The following CSMD3 variants were observed in gnomAD, a reference collection of about 807,000 sequenced individuals.
The protein encoded by CSMD3 is CUB and sushi domain-containing protein 3.
In CSMD3, 177 loss-of-function variants were observed where a neutral mutation model predicts 435.2. The ratio of observed to expected loss-of-function variants is 0.41; its 90% confidence interval spans 0.36 to 0.46. CSMD3 has a LOEUF of 0.46. CSMD3 is among the 20% of genes least tolerant of loss of function. The pLI, the probability that CSMD3 is intolerant of heterozygous loss-of-function variation, is 0.34. For missense variants in CSMD3, 4,265 were observed against 4,504.6 expected, an observed-to-expected ratio of 0.95 and a Z score of 1.52; for synonymous variants, 1,656 against 1,520.5, an observed-to-expected ratio of 1.09 and a Z score of -2.07.
At chr8:113,434,265 A>G (rs2094692079) in intron 1 of CSMD3, among the ~76,000 whole-genome samples, 1 of 152,156 alleles carries the variant, frequency 6.6e-6, no homozygotes, top group Non-Finnish European at 1.5e-5. Context: ...CTAGATTAGA[A>G]CCTGCAAAAT....
At chr8:112,324,005 C>T (rs1276757767) in intron 45 of CSMD3, among the ~76,000 whole-genome samples, 4 of 152,052 alleles carry the variant, frequency 2.6e-5, no homozygotes, top group African/African-American at 9.7e-5. Context: ...CACATTGTCT[C>T]CCCGATTTAT....
At chr8:112,604,168 A>C (rs1249893843) in intron 22 of CSMD3, among the ~76,000 whole-genome samples, 1 of 152,172 alleles carries the variant, frequency 6.6e-6, no homozygotes, top group African/African-American at 2.4e-5. Context: ...GGAGATTTTT[A>C]CTGCATTACT....
intron 1 of CSMD3, among the ~76,000 whole-genome samples, chr8:113,384,363 G>A (rs2133119100): frequency 6.6e-6 from 1 of 152,242 alleles, no homozygotes; most frequent in African/African-American, 2.4e-5. Flanking sequence ...GAAGATTTCT[G>A]ATGGAAATCT....
chr8:112,721,546 A>T (rs1026977642), intron 13 of CSMD3, among the ~76,000 whole-genome samples: 3 of 152,188 alleles, frequency 2.0e-5, no homozygotes, highest in Non-Finnish European at 2.9e-5. Context: ...GCTGCACTCC[A>T]GCCTGGGTGA....
At chr8:112,701,786 G>C (rs1563871597) in intron 13 of CSMD3, among the ~76,000 whole-genome samples, 1 of 152,144 alleles carries the variant, frequency 6.6e-6, no homozygotes, top group Non-Finnish European at 1.5e-5. Flanking sequence ...CTAAGTGTTA[G>C]ACATGTTGAA....
At chr8:112,848,664 T>C (rs894473865) in intron 11 of CSMD3, among the ~76,000 whole-genome samples, 1 of 152,108 alleles carries the variant, frequency 6.6e-6, no homozygotes, top group Admixed American at 6.6e-5. Flanking sequence ...TTAACTTGTG[T>C]GATACTTCAA....
At chr8:112,670,382 C>T (rs916924643) in intron 16 of CSMD3, among the ~76,000 whole-genome samples, 1 of 152,022 alleles carries the variant, frequency 6.6e-6, no homozygotes, top group Non-Finnish European at 1.5e-5. Context: ...AAATTGTTGA[C>T]AAAGGATATG....
intron 4 of CSMD3, among the ~76,000 whole-genome samples, chr8:113,115,701 T>C (rs2090803289): frequency 6.6e-6 from 1 of 152,200 alleles, no homozygotes; most frequent in South Asian, 2.1e-4. Context: ...TGAAACTTTG[T>C]GTTATTTTGA....
chr8:113,394,987 T>C (rs369050030), intron 1 of CSMD3, among the ~76,000 whole-genome samples: 2 of 152,130 alleles, frequency 1.3e-5, no homozygotes, highest in Non-Finnish European at 1.5e-5. Flanking sequence ...CATAGGGGCA[T>C]GAAATATCAT....
At chr8:112,480,525 G>T (rs1819528454) in intron 31 of CSMD3, among the ~76,000 whole-genome samples, 1 of 152,146 alleles carries the variant, frequency 6.6e-6, no homozygotes, top group Admixed American at 6.5e-5. Flanking sequence ...GGAGGTGTTT[G>T]GGTCATGGGG....
intron 1 of CSMD3, among the ~76,000 whole-genome samples, chr8:113,342,535 A>G (rs2094126817): frequency 6.6e-6 from 1 of 152,168 alleles, no homozygotes; most frequent in South Asian, 2.1e-4. Context: ...TTATTTATTT[A>G]GTTAAATCTG....
At chr8:112,609,717 A>C (rs1255430205) in intron 22 of CSMD3, among the ~76,000 whole-genome samples, 2 of 152,174 alleles carry the variant, frequency 1.3e-5, no homozygotes, top group Non-Finnish European at 2.9e-5. Context: ...TGTTTATTGC[A>C]GTAGTGTTCA....
At chr8:113,096,563 T>A (rs894706208) in intron 5 of CSMD3, among the ~76,000 whole-genome samples, 7 of 152,094 alleles carry the variant, frequency 4.6e-5, no homozygotes, top group African/African-American at 1.7e-4. Flanking sequence ...GTGACTTTTT[T>A]TTTAAGTAAT....
intron 38 of CSMD3, among the ~76,000 whole-genome samples, chr8:112,367,464 G>A (rs1827885944): frequency 6.6e-6 from 1 of 152,172 alleles, no homozygotes; most frequent in East Asian, 1.9e-4. Flanking sequence ...TATCATGTAA[G>A]AAGTGATATT....
intron 1 of CSMD3, 44 bp from the exon 2 acceptor site, chr8:113,314,837 A>C: frequency 8.1e-7 from 1 of 1,230,092 alleles, no homozygotes; most frequent in Non-Finnish European, 1.2e-6. Flanking sequence ...TATATAAATC[A>C]AGAACAATCC....
chr8:113,022,692 A>C (rs1345959903), intron 5 of CSMD3, among the ~76,000 whole-genome samples: 2 of 151,702 alleles, frequency 1.3e-5, no homozygotes, highest in Non-Finnish European at 3.0e-5. Context: ...TATGGTCATG[A>C]TAAATGTCAT....
chr8:112,666,101 A>G (rs2075517631), intron 17 of CSMD3, among the ~76,000 whole-genome samples, 176 bp downstream of exon 17: 1 of 152,140 alleles, frequency 6.6e-6, no homozygotes, highest in South Asian at 2.1e-4. Context: ...ACAAATAGAA[A>G]ATTAACTTGG....
At chr8:112,735,457 A>G (rs900649286) in intron 13 of CSMD3, among the ~76,000 whole-genome samples, 1 of 152,066 alleles carries the variant, frequency 6.6e-6, no homozygotes, top group Non-Finnish European at 1.5e-5. Context: ...AATTGAAAGT[A>G]TTCTGTATTC....
At chr8:113,355,749 T>TATATATACATATATAC (rs1357514892) in intron 1 of CSMD3, among the ~76,000 whole-genome samples, 1 of 81,316 alleles carries the variant, frequency 1.2e-5, no homozygotes, top group African/African-American at 5.6e-5. Flanking sequence ...TATATATATA[T>TATATATACATATATAC]ACACACACAC....
Sources: allele counts gnomAD v4.1 joint callset (sites outside exome capture counted in the v4.1 genomes callset), GRCh38; gene constraint gnomAD v4.1.1; transcripts MANE v1.5; gene names NCBI Gene and HGNC (gene_info 2026-07-23, HGNC 2026-07-21).